The following TPRA1 variants were observed in gnomAD, a reference collection of about 807,000 sequenced individuals.
TPRA1 encodes transmembrane protein adipocyte-associated 1.
A neutral mutation model predicts 40.1 loss-of-function variants in TPRA1; 28 were observed. The ratio of observed to expected loss-of-function variants is 0.70; its 90% CI spans 0.52 to 0.96. The LOEUF is 0.96. Ranked by LOEUF, TPRA1 falls within the 40% of genes least tolerant of loss-of-function variation. The pLI is 0.00. For synonymous variants in TPRA1, 219 were observed against 209.7 expected (o/e 1.04, Z -0.38); for missense variants, 441 against 482.6 (o/e 0.91, Z 0.81).
At chr3:127,579,005 C>A (rs1357071392) in intron 3 of TPRA1, among the ~76,000 whole-genome samples, 1 of 149,896 alleles carries the variant, frequency 6.7e-6, no homozygotes, top group East Asian at 1.9e-4. Context: ...CACCCGAAGC[C>A]CACACCTGGA....
chr3:127,574,078 A>C (rs908253165), intron 10 of TPRA1, among the ~76,000 whole-genome samples: 2 of 152,192 alleles, frequency 1.3e-5, no homozygotes, highest in Non-Finnish European at 2.9e-5. Flanking sequence ...ATAAATCATG[A>C]GGCTTCAACA....
chr3:127,573,227 A>C lies in TPRA1; in HGVS notation c.*294T>G. ...TGCCCTCGTGCCAAGGGTGCAGAGA[A>C]GGAGGGTGCCCTCAGCCAACCTTGC... On this transcript the variant is annotated 3_prime_UTR_variant, in exon 11 of 11. Transcript: ENST00000355552. The C allele has an allele frequency of 2.9e-6, 1 of 344,744 alleles. No homozygotes were observed. 21.4% of individuals were successfully genotyped at this position (344,744 alleles called of 1,614,324 possible).
intron 7 of TPRA1, 29 bp downstream of exon 7, chr3:127,575,911 C>CT (rs2073601436): frequency 6.2e-7 from 1 of 1,612,670 alleles, no homozygotes; most frequent in East Asian, 2.2e-5. Flanking sequence ...AGGCCCCAGC[C>CT]ACCCCAGCTG....
At chr3:127,579,576 A>T (rs886912461) in intron 3 of TPRA1, among the ~76,000 whole-genome samples, 164 bp downstream of exon 3, 2 of 152,226 alleles carry the variant, frequency 1.3e-5, no homozygotes, top group East Asian at 1.9e-4. Flanking sequence ...CTCATCTGAG[A>T]TAAGTCCCAA....
intron 1 of TPRA1, chr3:127,580,375 C>G: frequency 1.1e-5 from 6 of 552,692 alleles, no homozygotes; most frequent in Non-Finnish European, 1.9e-5. Flanking sequence ...CAGGCTCTAT[C>G]TCACGACCTG....
At chr3:127,582,422 C>T (rs1404094920) in intron 1 of TPRA1, among the ~76,000 whole-genome samples, 5 of 152,090 alleles carry the variant, frequency 3.3e-5, no homozygotes, top group South Asian at 2.1e-4. Context: ...AAAAATTGGC[C>T]GGGTGCGGAG....
Position 127,573,432 on chromosome 3 carries a change from C to A in TPRA1, c.*89G>T, listed in dbSNP as rs113173548. On this transcript the variant is annotated 3_prime_UTR_variant, in exon 11 of 11. Coordinates refer to ENST00000355552, the MANE Select transcript of TPRA1 (RefSeq NM_001136053.4). ...CCACACAGGGCTACTGCCCACAGAA[C>A]GTCCCTTGACCTGGTCCTCCTCCCC... The A allele has an allele frequency of 9.5e-6, 14 of 1,478,934 alleles. No individual in the cohort carries two copies. The highest frequency in any genetic ancestry group is 1.3e-5 in the Non-Finnish European group (14 of 1,111,826). 91.6% of individuals were successfully genotyped at this position (1,478,934 alleles called of 1,614,324 possible).
At chr3:127,591,179 T>C (rs1174181254), upstream of TPRA1, 1 of 152,142 alleles carries the variant, frequency 6.6e-6, no homozygotes, top group Non-Finnish European at 1.5e-5. Flanking sequence ...TGGGGTCAGC[T>C]TGGGGGAAGG....
rs2073453150 is a variant in TPRA1, at chr3:127,573,600, T to C, written c.1043A>G (p.Asp348Gly). 1 of 1,613,106 alleles carries C rather than the reference T, an allele frequency of 6.2e-7. No individual in the cohort carries two copies. Among genetic ancestry groups the C allele is most frequent in the South Asian group, 1.1e-5 (1 of 91,088 alleles). The change falls in exon 11 of 11, where the codon GAT becomes GGT. Residue 348 changes from aspartate to glycine, a missense_variant. Transcript: ENST00000355552. ...GTGGCAGGGCATGGAAGCGATGTCA[T>C]CCAGGTAGGCCACCCCGCCGGCAGA... The part of the protein sequence containing the change: ...FDSAGGVAYL[D>G]DIASMPCHTG...
In TPRA1 at chr3:127,576,678, G is replaced by T; in HGVS notation, c.437C>A (p.Ser146Tyr). ...GATGGCCAGCACCCGCTTGATGCTG[G>T]ACTTACTCTCCAGGTGGCCTGGAAG... ...GLAFGHLESK[S>Y]SIKRVLAITT... The change falls in exon 6 of 11, where the codon TCC (serine) becomes TAC (tyrosine). Residue 146 changes from serine (S) to tyrosine (Y), a missense_variant. By Grantham distance (144) the Ser-to-Tyr change is moderately radical. Transcript: ENST00000355552. The surrounding 1 kb of genome is among the most constrained non-coding windows in gnomAD (Gnocchi z 4.6). The T allele has an allele frequency of 6.2e-7, 1 of 1,610,844 alleles. No individual in the cohort carries two copies. Among genetic ancestry groups the T allele is most frequent in the South Asian group, 1.1e-5 (1 of 90,482 alleles).
chr3:127,590,108 G>A (rs538222930), intron 1 of TPRA1, among the ~76,000 whole-genome samples: 1 of 152,136 alleles, frequency 6.6e-6, no homozygotes, highest in South Asian at 2.1e-4. Context: ...GCCGAGGTCC[G>A]GATCTCCACC....
chr3:127,575,774 CG>C lies in TPRA1; in HGVS notation c.644del (p.Pro215ArgfsTer2). 1 of 1,613,812 alleles carries C rather than the reference CG, an allele frequency of 6.2e-7. No homozygotes were observed. Among genetic ancestry groups the C allele is most frequent in the East Asian group, 2.2e-5 (1 of 44,870 alleles). On this transcript the variant is annotated frameshift_variant, in exon 8 of 11. Transcript: ENST00000355552. LOFTEE classifies it high-confidence loss of function. The part of the protein sequence containing the change: ...YSLVVILPKT[P>X]LKERISLPSR... ...AAGGCAGGGAGATGCGCTCCTTCAG[CG>C]GGGTCTTGGGAAGGATGACCACCAG...
At position 127,596,633 on chromosome 3, in the gene TPRA1, T is replaced by C. The variant is rs545448457; in HGVS notation, c.-390-943A>G. Among the ~76,000 whole-genome samples, 12 of 152,268 alleles carry C rather than the reference T, an allele frequency of 7.9e-5. No homozygotes were observed. The East Asian group carries it at 2.3e-3, about 29-fold the overall frequency. On this transcript the variant is annotated intron_variant, in intron 1 of 3. Coordinates refer to the TPRA1 transcript ENST00000462228. Reference sequence around the variant, plus strand: ...CGCCCTTGAGTCCCATACATGGATATCCAACAGCTTCCTGGATATGTCCCC... The same window carrying C: ...CGCCCTTGAGTCCCATACATGGATACCCAACAGCTTCCTGGATATGTCCCC...
chr3:127,597,113 CAA>C (rs111589837), intron 1 of TPRA1, among the ~76,000 whole-genome samples: 18 of 131,358 alleles, frequency 1.4e-4, no homozygotes, highest in Non-Finnish European at 9.9e-5. Flanking sequence ...GACTCTGTCT[CAA>C]AAAAAAAAAA....
Position 127,575,041 on chromosome 3 carries a change from T to A in TPRA1, c.854+144A>T. 3 of 830,990 alleles carry A rather than the reference T, an allele frequency of 3.6e-6. No individual in the cohort carries two copies. In the South Asian group the frequency reaches 5.2e-5, roughly 14 times the overall value. The allele number at this position is 830,990 out of a possible 1,614,324, so 51.5% of individuals were successfully genotyped here. ...GCATGTGCATGTGTATCTGTATGTG[T>A]GTGCCCAAGTGCATGTATGTATGTG... On this transcript the variant is annotated intron_variant, in intron 10 of 10. Coordinates refer to ENST00000355552, the MANE Select transcript of TPRA1 (RefSeq NM_001136053.4).
chr3:127,583,384 G>C (rs2107648928), intron 1 of TPRA1, among the ~76,000 whole-genome samples: 1 of 152,144 alleles, frequency 6.6e-6, no homozygotes, highest in Non-Finnish European at 1.5e-5. Flanking sequence ...TGTAGTCCCA[G>C]CTAATAGGAA....
At chr3:127,596,459 A>G (rs2074241960) in intron 1 of TPRA1, among the ~76,000 whole-genome samples, 1 of 152,192 alleles carries the variant, frequency 6.6e-6, no homozygotes, top group South Asian at 2.1e-4. Context: ...AGCAGCTCCT[A>G]GCATCCGAGG....
upstream of TPRA1, among the ~76,000 whole-genome samples, chr3:127,593,440 T>A (rs937082832): frequency 3.3e-5 from 5 of 152,214 alleles, no homozygotes; most frequent in African/African-American, 1.2e-4. Flanking sequence ...AAGATCAAGC[T>A]CAATATATCA....
chr3:127,586,276 A>G (rs1238661965), intron 1 of TPRA1, among the ~76,000 whole-genome samples: 1 of 152,152 alleles, frequency 6.6e-6, no homozygotes, highest in Non-Finnish European at 1.5e-5. Flanking sequence ...TGTAACTTTG[A>G]GTTGAGAGTA....
Sources: allele counts gnomAD v4.1 joint callset (sites outside exome capture counted in the v4.1 genomes callset), GRCh38; gene constraint gnomAD v4.1.1; non-coding constraint Gnocchi (gnomAD v3.1); transcripts MANE v1.5; gene names NCBI Gene and HGNC (gene_info 2026-07-23, HGNC 2026-07-21).